The following LRRIQ1 variants were observed in gnomAD, a reference collection of about 807,000 sequenced individuals.
LRRIQ1 encodes leucine rich repeats and IQ motif containing 1.
Under a neutral mutation model 211.9 loss-of-function variants are expected in LRRIQ1, and 210 were observed. The observed-to-expected ratio is 0.99, with a 90% CI of 0.89 to 1.11. LRRIQ1 has a LOEUF of 1.11. Among genes scored for constraint, LRRIQ1 ranks in the 50% most tolerant of loss-of-function variants. The probability of loss-of-function intolerance (pLI) is 0.00; values close to 1 mark genes in which losing one functional copy is unlikely to be tolerated. For missense variants in LRRIQ1, 2,136 were observed against 1,939.5 expected (o/e 1.10, Z -1.90); for synonymous variants, 699 against 650.1 (o/e 1.08, Z -1.14).
downstream of LRRIQ1, among the ~76,000 whole-genome samples, chr12:85,248,215 T>A (rs1895790173): frequency 6.6e-6 from 1 of 151,576 alleles, no homozygotes; most frequent in African/African-American, 2.4e-5. Flanking sequence ...TGTATAATGA[T>A]CATATTTCTT....
chr12:85,041,333 T>A (rs1391745589), intron 3 of LRRIQ1, among the ~76,000 whole-genome samples: 1 of 151,798 alleles, frequency 6.6e-6, no homozygotes, highest in African/African-American at 2.4e-5. Context: ...TCTGTTTCTC[T>A]GTTTTAATGT....
intron 24 of LRRIQ1, among the ~76,000 whole-genome samples, chr12:85,206,098 G>A (rs1471631240): frequency 6.6e-6 from 1 of 152,210 alleles, no homozygotes; most frequent in African/African-American, 2.4e-5. Context: ...TTGCTCATTT[G>A]CACATGCCAG....
At chr12:85,171,640 G>A (rs1359832355) in intron 24 of LRRIQ1, among the ~76,000 whole-genome samples, 1 of 152,182 alleles carries the variant, frequency 6.6e-6, no homozygotes, top group African/African-American at 2.4e-5. Flanking sequence ...AAGCCTTGAT[G>A]TCCAATTTGA....
downstream of LRRIQ1, among the ~76,000 whole-genome samples, chr12:85,247,094 T>G (rs1245618736): frequency 6.6e-6 from 1 of 151,576 alleles, no homozygotes; most frequent in African/African-American, 2.4e-5. Context: ...TCTTTTGGGC[T>G]AAAGTATGGA....
chr12:85,093,594 C>T (rs1490143847), intron 11 of LRRIQ1, among the ~76,000 whole-genome samples: 2 of 152,188 alleles, frequency 1.3e-5, no homozygotes, highest in Non-Finnish European at 2.9e-5. Flanking sequence ...AAACACCCAC[C>T]ACTGGCAGCA....
At chr12:85,099,298 G>A in intron 13 of LRRIQ1, among the ~76,000 whole-genome samples, 1 of 151,770 alleles carries the variant, frequency 6.6e-6, no homozygotes. Context: ...ACGGAGCATA[G>A]TCCTTGGAAA....
At chr12:85,156,471 G>A (rs1290120492) in intron 23 of LRRIQ1, among the ~76,000 whole-genome samples, 1 of 151,640 alleles carries the variant, frequency 6.6e-6, no homozygotes, top group African/African-American at 2.4e-5. Context: ...TTGTATCTGT[G>A]AGCAAATTAT....
chr12:85,195,894 T>C (rs1342518303), intron 24 of LRRIQ1, among the ~76,000 whole-genome samples: 1 of 152,018 alleles, frequency 6.6e-6, no homozygotes, highest in Non-Finnish European at 1.5e-5. Context: ...TTGTCCCTGT[T>C]TGCAGACGAC....
chr12:85,168,202 C>T (rs1162032959), intron 24 of LRRIQ1, among the ~76,000 whole-genome samples: 1 of 152,102 alleles, frequency 6.6e-6, no homozygotes, highest in Non-Finnish European at 1.5e-5. Context: ...AACCTTCATT[C>T]CTGAAGGGGC....
At position 85,260,878 on chromosome 12, in the gene LRRIQ1, G is replaced by T. The variant is rs60125868; in HGVS notation, c.122-2037G>T. 2.3e-3 allele frequency among the ~76,000 whole-genome samples: 347 copies of T among 152,266 alleles called. 3 individuals carry two copies. Among genetic ancestry groups the T allele is most frequent in the African/African-American group, 7.9e-3 (327 of 41,564 alleles). The stretch of plus-strand genomic sequence containing the variant: ...TAGGTTTTTAAGACACTTTCTTAAT[G>T]CATTTTAGGCCAATAGTTTATCATC... On this transcript the variant is annotated intron_variant, in intron 1 of 1. Coordinates refer to the LRRIQ1 transcript ENST00000602731.
intron 15 of LRRIQ1, among the ~76,000 whole-genome samples, chr12:85,106,869 T>A (rs928477654): frequency 6.6e-6 from 1 of 152,140 alleles, no homozygotes; most frequent in African/African-American, 2.4e-5. Flanking sequence ...ATGTGACAAG[T>A]TTAGTGTGAT....
chr12:85,096,991 A>T (rs547699573), intron 11 of LRRIQ1, among the ~76,000 whole-genome samples: 33 of 152,206 alleles, frequency 2.2e-4, no homozygotes, highest in African/African-American at 7.9e-4. Context: ...CTGCTCTTCT[A>T]TGTTTTCTCT....
chr12:85,251,022 A>G (rs1249160126), intron 1 of LRRIQ1, among the ~76,000 whole-genome samples: 1 of 129,110 alleles, frequency 7.7e-6, no homozygotes, highest in East Asian at 2.1e-4. Context: ...ACCTTAAATT[A>G]CTATTTTCTG....
chr12:85,154,299 C>CT (rs34160749), intron 23 of LRRIQ1, among the ~76,000 whole-genome samples: 42,860 of 150,814 alleles, frequency 0.28, 6,243 homozygotes, highest in Admixed American at 0.34. Flanking sequence ...ACTATTTTTA[C>CT]TTTTTCGGCT....
intron 24 of LRRIQ1, among the ~76,000 whole-genome samples, chr12:85,196,530 A>C (rs1439624352): frequency 1.3e-5 from 2 of 152,062 alleles, no homozygotes; most frequent in African/African-American, 2.4e-5. Flanking sequence ...CCACATATCT[A>C]CAACTATCTG....
intron 25 of LRRIQ1, among the ~76,000 whole-genome samples, chr12:85,231,227 T>C (rs1283001386): frequency 6.6e-6 from 1 of 152,188 alleles, no homozygotes; most frequent in Non-Finnish European, 1.5e-5. Context: ...TCTCGTTTAA[T>C]AATATATATA....
rs1194659113 is a variant in LRRIQ1 at position 85,053,900 on chromosome 12, G to A, written c.754-1647G>A. Among the ~76,000 whole-genome samples, 5 of 152,066 alleles carry A rather than the reference G, an allele frequency of 3.3e-5. No homozygotes were observed. The East Asian group carries it at 9.7e-4, about 29-fold the overall frequency. ...TTTTTTGTATTGTTAGTAGACACAA[G>A]GTTTCACCGTGTTACCCAGGATTGA... On this transcript the variant is annotated intron_variant, in intron 7 of 26. Coordinates refer to ENST00000393217, the MANE Select transcript of LRRIQ1 (RefSeq NM_001079910.2).
chr12:85,107,434 TC>T (rs958470330), intron 15 of LRRIQ1, among the ~76,000 whole-genome samples: 1 of 152,166 alleles, frequency 6.6e-6, no homozygotes, highest in Non-Finnish European at 1.5e-5. Context: ...GACATTCTTG[TC>T]TTTCTTTCTC....
chr12:85,228,585 A>G (rs1323409371), intron 24 of LRRIQ1, among the ~76,000 whole-genome samples: 1 of 152,212 alleles, frequency 6.6e-6, no homozygotes, highest in Non-Finnish European at 1.5e-5. Context: ...TGAAAACTAG[A>G]GTCATTTCAC....
Sources: gnomAD v4.1 joint callset for allele counts (sites outside exome capture counted in the v4.1 genomes callset) on GRCh38, gnomAD v4.1.1 for gene constraint, MANE v1.5 for transcripts, NCBI Gene and HGNC (gene_info 2026-07-23, HGNC 2026-07-21) for gene names.